LTBP1: variants seen among roughly 807,000 people sequenced by gnomAD.
LTBP1 encodes the protein latent-transforming growth factor beta-binding protein 1.
Under a neutral mutation model 207.6 loss-of-function variants are expected in LTBP1, and 129 were observed. The ratio of observed to expected loss-of-function variants is 0.62; its 90% CI spans 0.54 to 0.72. LTBP1 has a LOEUF of 0.72. LTBP1 is among the 30% of genes least tolerant of loss of function. The probability of loss-of-function intolerance (pLI) is 0.00; values close to 1 mark genes in which losing one functional copy is unlikely to be tolerated. For missense variants in LTBP1, 2,281 were observed against 2,217.2 expected (o/e 1.03, Z -0.58); for synonymous variants, 963 against 833.7 (o/e 1.16, Z -2.67).
Position 32,968,938 on chromosome 2 carries a change from C to T in LTBP1, c.565+19993C>T, listed in dbSNP as rs1229040248. On this transcript the variant is annotated intron_variant, in intron 2 of 33. Transcript: ENST00000404816. ...GTGTATTTTTTTTTTTTTTTTGAGGCGGTGTCTCGCTCTGTCACCCAGGCT... is the reference window on the plus strand; with the variant it reads ...GTGTATTTTTTTTTTTTTTTTGAGGTGGTGTCTCGCTCTGTCACCCAGGCT... Among the ~76,000 whole-genome samples the T allele has an allele frequency of 6.2e-5, 6 of 97,204 alleles. No individual in the cohort carries two copies. In the East Asian group the frequency reaches 7.2e-4, roughly 12 times the overall value. 63.8% of individuals were successfully genotyped at this position (97,204 alleles called of 152,430 possible).
intron 8 of LTBP1, among the ~76,000 whole-genome samples, chr2:33,219,136 C>T (rs912785082): frequency 2.6e-5 from 4 of 152,150 alleles, no homozygotes; most frequent in Non-Finnish European, 5.9e-5. Flanking sequence ...TGATACTACT[C>T]ATCTCTTTTT....
chr2:33,361,397 CT>C (rs11442294), intron 27 of LTBP1, 31 bp from the exon 28 acceptor site: 26,514 of 998,428 alleles, frequency 0.027, 1 homozygote, highest in South Asian at 0.034. Flanking sequence ...GATGTTGAAT[CT>C]TTTTTTTTTT....
intron 31 of LTBP1, among the ~76,000 whole-genome samples, chr2:33,367,523 T>C (rs2095006331): frequency 6.6e-6 from 1 of 152,094 alleles, no homozygotes; most frequent in Non-Finnish European, 1.5e-5. Flanking sequence ...CATTTTGGAG[T>C]CTCCAGTGTG....
chr2:32,964,219 C>T (rs1480369179), intron 2 of LTBP1, among the ~76,000 whole-genome samples: 8 of 152,060 alleles, frequency 5.3e-5, no homozygotes, highest in African/African-American at 1.7e-4. Flanking sequence ...AGAATTTCAG[C>T]AATGATACAC....
rs753147164 is a variant in LTBP1, at chr2:33,363,562, C to T, written c.4399+44C>T. The T allele has an allele frequency of 2.6e-6, 4 of 1,562,378 alleles. No individual in the cohort carries two copies. In the Admixed American group the frequency reaches 5.5e-5, roughly 22 times the overall value. On this transcript the variant is annotated intron_variant, in intron 29 of 33. Transcript: ENST00000404816. ...TAGTATGGTGTACTGTGAAAATATA[C>T]AGATGGAAAAAATAACTATGCTATG... is the stretch of plus-strand genomic sequence containing the variant.
chr2:33,182,856 C>G (rs566677786), intron 5 of LTBP1, among the ~76,000 whole-genome samples: 11 of 150,638 alleles, frequency 7.3e-5, no homozygotes, highest in African/African-American at 2.4e-4. Flanking sequence ...GTTCTATGAC[C>G]TTAAGAAATT....
chr2:33,257,044 G>A (rs2092882097), intron 11 of LTBP1, among the ~76,000 whole-genome samples: 1 of 151,264 alleles, frequency 6.6e-6, no homozygotes, highest in South Asian at 2.1e-4. Flanking sequence ...GATTTGGGTA[G>A]GATAAGGAAT....
At chr2:33,114,196 G>C (rs150662832) in intron 4 of LTBP1, among the ~76,000 whole-genome samples, 18 of 152,190 alleles carry the variant, frequency 1.2e-4, no homozygotes, top group Non-Finnish European at 1.5e-4. Flanking sequence ...TGCTTTATTT[G>C]TTGGCCTTAA....
chr2:33,346,365 G>C (rs1317079747), intron 25 of LTBP1, among the ~76,000 whole-genome samples: 2 of 152,200 alleles, frequency 1.3e-5, no homozygotes, highest in Non-Finnish European at 2.9e-5. Context: ...TGAAGTGTCA[G>C]TGATTCTAAC....
intron 5 of LTBP1, among the ~76,000 whole-genome samples, chr2:33,176,978 G>A (rs2086126043): frequency 6.6e-6 from 1 of 152,128 alleles, no homozygotes; most frequent in Non-Finnish European, 1.5e-5. Context: ...AATTCATTCA[G>A]GTCACACAAC....
intron 4 of LTBP1, among the ~76,000 whole-genome samples, chr2:33,111,728 C>T (rs575807684): frequency 6.6e-6 from 1 of 152,224 alleles, no homozygotes; most frequent in African/African-American, 2.4e-5. Flanking sequence ...CAGGTTTGTC[C>T]ATCCACTTTT....
chr2:33,319,195 C>T (rs761240063), intron 24 of LTBP1, among the ~76,000 whole-genome samples: 40 of 152,214 alleles, frequency 2.6e-4, no homozygotes, highest in Non-Finnish European at 4.7e-4. Context: ...GTCAGGAGTT[C>T]GAGACCAGCC....
chr2:33,135,005 T>C (rs1404540377), intron 5 of LTBP1, 45 bp downstream of exon 5: 1 of 1,527,392 alleles, frequency 6.5e-7, no homozygotes, highest in East Asian at 2.4e-5. Context: ...GAGTCGAGTT[T>C]TATGAGATTG....
rs566654277 is a variant in LTBP1 at position 33,140,272 on chromosome 2, T to C, written c.1201+5312T>C. 5.3e-5 allele frequency among the ~76,000 whole-genome samples: 8 copies of C among 152,318 alleles called. No homozygotes were observed. The South Asian group carries it at 1.2e-3, about 24-fold the overall frequency. ...CGTTAAGGCATTAAATAATCTGACA[T>C]AACTGCTTAAGAGGGGCAAGCATAT... On this transcript the variant is annotated intron_variant, in intron 5 of 33. Transcript: ENST00000404816.
At chr2:33,040,012 A>G (rs2076106753) in intron 3 of LTBP1, among the ~76,000 whole-genome samples, 1 of 152,028 alleles carries the variant, frequency 6.6e-6, no homozygotes, top group South Asian at 2.1e-4. Context: ...GAAAAGAGAG[A>G]TCGAATGGGA....
chr2:33,148,597 G>T (rs1181641291), intron 5 of LTBP1, among the ~76,000 whole-genome samples: 5 of 151,984 alleles, frequency 3.3e-5, no homozygotes, highest in African/African-American at 1.2e-4. Context: ...TTCCCACATG[G>T]TCTACTAATA....
chr2:33,310,102 C>A (rs1239097126), intron 23 of LTBP1, among the ~76,000 whole-genome samples: 22 of 151,924 alleles, frequency 1.4e-4, no homozygotes, highest in Admixed American at 1.4e-3. Context: ...CGCCTGCCAC[C>A]ACACCCGGCA....
In LTBP1 at chr2:33,273,637, A is replaced by G; in HGVS notation, c.2618-19A>G. 6.3e-7 allele frequency: 1 copy of G among 1,584,518 alleles called. No individual in the cohort carries two copies. Among genetic ancestry groups the G allele is most frequent in the Non-Finnish European group, 8.6e-7 (1 of 1,166,264 alleles). On this transcript the variant is annotated intron_variant, in intron 15 of 33. Coordinates refer to ENST00000404816, the MANE Select transcript of LTBP1 (RefSeq NM_206943.4). The stretch of plus-strand genomic sequence containing the variant: ...TCATTTCTGTGGGTTTTTTCACATT[A>G]TTTTATTTACTTTTAAAGAAATCAA...
chr2:33,069,997 A>G (rs1185482228), intron 3 of LTBP1, among the ~76,000 whole-genome samples: 1 of 152,130 alleles, frequency 6.6e-6, no homozygotes, highest in Non-Finnish European at 1.5e-5. Context: ...CCTCCTTTTA[A>G]ACTTCTTACA....
Sources: gnomAD v4.1 joint callset for allele counts (sites outside exome capture counted in the v4.1 genomes callset) on GRCh38, gnomAD v4.1.1 for gene constraint, MANE v1.5 for transcripts, NCBI Gene and HGNC (gene_info 2026-07-23, HGNC 2026-07-21) for gene names.